The following ACACA variants were observed in gnomAD, a reference collection of about 807,000 sequenced individuals.
ACACA encodes acetyl-CoA carboxylase alpha.
Under a neutral mutation model 296.1 loss-of-function variants are expected in ACACA, and 103 were observed. The observed-to-expected ratio is 0.35, with a 90% CI of 0.30 to 0.41. The LOEUF (loss-of-function observed/expected upper bound fraction) is 0.41, where lower values mean the gene tolerates loss of function less well. Ranked by LOEUF, ACACA falls within the 10% of genes least tolerant of loss-of-function variation. The pLI is 1.00. For synonymous variants in ACACA, 953 were observed against 1,038.6 expected (o/e 0.92, Z 1.58); for missense variants, 1,554 against 2,989.7 (o/e 0.52, Z 11.20).
intron 41 of ACACA, among the ~76,000 whole-genome samples, chr17:37,163,563 T>C (rs1304089665): frequency 6.6e-6 from 1 of 152,166 alleles, no homozygotes; most frequent in East Asian, 1.9e-4. Context: ...TCACGGACTG[T>C]ACACTTTTCA....
At chr17:37,215,081 C>T (rs1218428759) in intron 29 of ACACA, among the ~76,000 whole-genome samples, 1 of 152,210 alleles carries the variant, frequency 6.6e-6, no homozygotes, top group Non-Finnish European at 1.5e-5. Context: ...GCAGCCTAAA[C>T]TCAGCCATGA....
At chr17:37,294,023 C>T (rs1420046774) in intron 3 of ACACA, among the ~76,000 whole-genome samples, 1 of 151,876 alleles carries the variant, frequency 6.6e-6, no homozygotes, top group African/African-American at 2.4e-5. Flanking sequence ...AAGGTGCTCA[C>T]CTAAACCTAA....
intron 1 of ACACA, among the ~76,000 whole-genome samples, chr17:37,346,233 C>T (rs1203087221): frequency 6.6e-6 from 1 of 151,264 alleles, no homozygotes; most frequent in African/African-American, 2.4e-5. Context: ...AGGAGAATCA[C>T]TTGAACCCAG....
intron 3 of ACACA, among the ~76,000 whole-genome samples, chr17:37,306,918 G>A (rs901125662): frequency 1.3e-5 from 2 of 151,894 alleles, no homozygotes; most frequent in Admixed American, 1.3e-4. Context: ...GGCTGGTCTT[G>A]AACTCCTGGC....
intron 54 of ACACA, among the ~76,000 whole-genome samples, chr17:37,094,441 C>A (rs1384211968): frequency 1.3e-5 from 2 of 152,148 alleles, no homozygotes; most frequent in African/African-American, 4.8e-5. Flanking sequence ...CTCGAAATGT[C>A]TTTTCTTACC....
intron 1 of ACACA, among the ~76,000 whole-genome samples, chr17:37,350,281 T>A (rs1228020209): frequency 6.7e-6 from 1 of 149,398 alleles, no homozygotes; most frequent in Non-Finnish European, 1.5e-5. Context: ...CAGTGAGCCA[T>A]AATTGCACCA....
At chr17:37,104,254 A>G (rs191111073) in intron 52 of ACACA, among the ~76,000 whole-genome samples, 10 of 152,362 alleles carry the variant, frequency 6.6e-5, no homozygotes, top group Non-Finnish European at 1.3e-4. Flanking sequence ...CTCTTAAAAA[A>G]TAAGTCCCCA....
In ACACA at chr17:37,153,502, A is replaced by C. The variant is rs1356949042; in HGVS notation, c.5448-2081T>G. Reference sequence around the variant, plus strand: ...TGAAAATGTCCTGTCTTTGCAAGCTAGATTTTTGAAGTTTCTGTGAAAACT... The same window carrying C: ...TGAAAATGTCCTGTCTTTGCAAGCTCGATTTTTGAAGTTTCTGTGAAAACT... On this transcript the variant is annotated intron_variant, in intron 43 of 55. Transcript: ENST00000616317. Among the ~76,000 whole-genome samples, 6 of 152,200 alleles carry C rather than the reference A, an allele frequency of 3.9e-5. No individual in the cohort carries two copies. In the South Asian group the frequency reaches 1.2e-3, roughly 32 times the overall value.
chr17:37,221,976 T>C, intron 28 of ACACA, 134 bp from the exon 29 acceptor site: 1 of 716,958 alleles, frequency 1.4e-6, no homozygotes, highest in Non-Finnish European at 2.5e-6. Flanking sequence ...AGGCCCTATG[T>C]ATACGTACAT....
chr17:37,298,958 C>T (rs1382024678), intron 3 of ACACA, among the ~76,000 whole-genome samples: 1 of 152,146 alleles, frequency 6.6e-6, no homozygotes, highest in African/African-American at 2.4e-5. Context: ...CTAGCCAAAT[C>T]CAGGGAGTAA....
chr17:37,169,545 T>A (rs1264363342), intron 41 of ACACA, among the ~76,000 whole-genome samples: 6 of 152,220 alleles, frequency 3.9e-5, no homozygotes, highest in Admixed American at 3.9e-4. Flanking sequence ...TTTCACTCTC[T>A]AATTAGTACA....
chr17:37,317,572 A>G (rs1217083837), intron 3 of ACACA, among the ~76,000 whole-genome samples: 1 of 152,196 alleles, frequency 6.6e-6, no homozygotes, highest in Admixed American at 6.5e-5. Flanking sequence ...GGAAAAAAAA[A>G]CTTCTTGGAT....
At chr17:37,141,967 A>G (rs2075600880) in intron 45 of ACACA, among the ~76,000 whole-genome samples, 1 of 151,114 alleles carries the variant, frequency 6.6e-6, no homozygotes, top group African/African-American at 2.4e-5. Flanking sequence ...CTGGGATTAC[A>G]GGCATGAGCC....
chr17:37,171,357 T>G (rs780068306), intron 41 of ACACA, among the ~76,000 whole-genome samples: 4 of 152,138 alleles, frequency 2.6e-5, no homozygotes, highest in Non-Finnish European at 4.4e-5. Flanking sequence ...AATCTGAACT[T>G]GAGTCCCTTC....
chr17:37,393,556 T>C (rs1597795365), intron 1 of ACACA, among the ~76,000 whole-genome samples: 1 of 152,068 alleles, frequency 6.6e-6, no homozygotes, highest in Non-Finnish European at 1.5e-5. Context: ...AAGAGTATAA[T>C]TGGAGGCCGG....
chr17:37,179,475 A>T lies in ACACA; in HGVS notation c.4933-69T>A, dbSNP rs1160851941. 1.6e-5 allele frequency: 25 copies of T among 1,559,600 alleles called. No homozygotes were observed. The Admixed American group carries it at 4.2e-4, about 26-fold the overall frequency. On this transcript the variant is annotated intron_variant, in intron 40 of 55. Coordinates refer to ENST00000616317, the MANE Select transcript of ACACA (RefSeq NM_198834.3). ...AATATAGACAAAAATAATTATTAAG[A>T]TTCAGTCAATCTGGTTTTGCCTTCT...
At chr17:37,286,546 G>A (rs1466426411) in intron 3 of ACACA, among the ~76,000 whole-genome samples, 2 of 152,156 alleles carry the variant, frequency 1.3e-5, no homozygotes, top group African/African-American at 2.4e-5. Flanking sequence ...AGGCAGAAAG[G>A]TAAGAAAAGG....
At chr17:37,208,017 C>G (rs2145409338) in intron 30 of ACACA, among the ~76,000 whole-genome samples, 1 of 152,234 alleles carries the variant, frequency 6.6e-6, no homozygotes, top group South Asian at 2.1e-4. Flanking sequence ...TTTCATCACT[C>G]CAAAATTTCT....
In ACACA at chr17:37,200,170, T is replaced by G; in HGVS notation, c.4127A>C (p.Gln1376Pro). 1 of 1,608,746 alleles carries G rather than the reference T, an allele frequency of 6.2e-7. No individual in the cohort carries two copies. The highest frequency in any genetic ancestry group is 8.5e-7 in the Non-Finnish European group (1 of 1,175,182). Residue 1376 changes from glutamine (Q) to proline (P), a missense_variant, in exon 35 of 56, where the codon CAG becomes CCG. Coordinates refer to ENST00000616317, the MANE Select transcript of ACACA (RefSeq NM_198834.3). ...TCTCCGATCCACCTCATAGTTGACC[T>G]GCTTTCTGAAATCCTTTCAAATAAA... is the stretch of plus-strand genomic sequence containing the variant. ...FLVAQKDFRK[Q>P]VNYEVDRRFH...
Sources: gnomAD v4.1 joint callset for allele counts (sites outside exome capture counted in the v4.1 genomes callset) on GRCh38, gnomAD v4.1.1 for gene constraint, MANE v1.5 for transcripts, NCBI Gene and HGNC (gene_info 2026-07-23, HGNC 2026-07-21) for gene names.